The following CTIF variants were observed in gnomAD, a reference collection of about 807,000 sequenced individuals.
CTIF encodes the protein cap binding complex dependent translation initiation factor.
A neutral mutation model predicts 66.0 loss-of-function variants in CTIF; 21 were observed. The observed-to-expected ratio is 0.32, with a 90% CI of 0.23 to 0.46. The LOEUF (loss-of-function observed/expected upper bound fraction) is 0.46. Ranked by LOEUF, CTIF falls within the 20% of genes least tolerant of loss-of-function variation. The pLI is 1.00. For missense variants in CTIF, 739 were observed against 812.7 expected, an observed-to-expected ratio of 0.91 and a Z score of 1.10; for synonymous variants, 345 against 326.4, an observed-to-expected ratio of 1.06 and a Z score of -0.62.
At chr18:48,579,050 T>G (rs2089595923) in intron 1 of CTIF, among the ~76,000 whole-genome samples, 1 of 151,432 alleles carries the variant, frequency 6.6e-6, no homozygotes, top group Non-Finnish European at 1.5e-5. Flanking sequence ...TCAGCTTCAT[T>G]GTTTTGTTTC....
Position 48,602,384 on chromosome 18 carries a change from A to G in CTIF, c.-28-17154A>G, listed in dbSNP as rs138977164. The stretch of plus-strand genomic sequence containing the variant: ...AGGTGGAAGAAATTGCCAGAAGTTG[A>G]CTCAGAAGAGATGAAACAGTCTCAG... On this transcript the variant is annotated intron_variant, in intron 1 of 11. Coordinates refer to ENST00000256413, the MANE Select transcript of CTIF (RefSeq NM_014772.3). Among the ~76,000 whole-genome samples, 18 of 152,338 alleles carry G rather than the reference A, an allele frequency of 1.2e-4. No homozygotes were observed. In the East Asian group the frequency reaches 3.5e-3, roughly 29 times the overall value.
intron 9 of CTIF, among the ~76,000 whole-genome samples, chr18:48,791,310 C>T (rs1341811247): frequency 1.3e-5 from 2 of 152,254 alleles, no homozygotes; most frequent in African/African-American, 2.4e-5. Context: ...ACCTAAGGCT[C>T]CCAAGCCCTG....
At chr18:48,618,621 C>T (rs1251782182) in intron 1 of CTIF, among the ~76,000 whole-genome samples, 2 of 152,196 alleles carry the variant, frequency 1.3e-5, no homozygotes, top group Admixed American at 6.5e-5. Flanking sequence ...GTGGGAGCTT[C>T]GGGGGATAAG....
At chr18:48,787,270 A>T (rs1911793890) in intron 9 of CTIF, among the ~76,000 whole-genome samples, 1 of 152,116 alleles carries the variant, frequency 6.6e-6, no homozygotes, top group Non-Finnish European at 1.5e-5. Flanking sequence ...CATGTTAAGT[A>T]TGAAAGGAAA....
At chr18:48,738,361 A>G (rs553495875) in intron 7 of CTIF, among the ~76,000 whole-genome samples, 5 of 152,012 alleles carry the variant, frequency 3.3e-5, no homozygotes, top group Non-Finnish European at 7.4e-5. Context: ...GTGGTTCCCA[A>G]TTTCATCCAG....
chr18:48,677,787 C>A (rs2091657428), intron 6 of CTIF, among the ~76,000 whole-genome samples: 1 of 152,138 alleles, frequency 6.6e-6, no homozygotes, highest in Admixed American at 6.5e-5. Flanking sequence ...TCTAGGGGCT[C>A]ATTAAATATG....
chr18:48,722,864 A>C (rs1179332202), intron 7 of CTIF, among the ~76,000 whole-genome samples: 3 of 152,216 alleles, frequency 2.0e-5, no homozygotes, highest in Non-Finnish European at 4.4e-5. Context: ...CAGGCTGTGC[A>C]TCCCACTGGT....
chr18:48,543,381 A>G (rs2088670739), intron 1 of CTIF, among the ~76,000 whole-genome samples: 1 of 151,978 alleles, frequency 6.6e-6, no homozygotes, highest in Admixed American at 6.6e-5. Context: ...GGGGGCGTCT[A>G]CCTCTGGGCC....
chr18:48,652,868 C>A (rs1005495918), intron 3 of CTIF, among the ~76,000 whole-genome samples: 1 of 152,014 alleles, frequency 6.6e-6, no homozygotes, highest in Non-Finnish European at 1.5e-5. Context: ...ACAAAACCAA[C>A]GACAAAAACC....
intron 10 of CTIF, among the ~76,000 whole-genome samples, chr18:48,841,415 GC>G (rs944712798): frequency 6.6e-6 from 1 of 152,156 alleles, no homozygotes; most frequent in African/African-American, 2.4e-5. Context: ...CGCCCTCGTG[GC>G]CCCGGCTCAG....
intron 9 of CTIF, among the ~76,000 whole-genome samples, chr18:48,772,856 T>C (rs923194737): frequency 2.0e-5 from 3 of 152,168 alleles, no homozygotes; most frequent in Non-Finnish European, 2.9e-5. Flanking sequence ...TACCTAGAAG[T>C]GGAATTGCTG....
intron 2 of CTIF, among the ~76,000 whole-genome samples, chr18:48,631,959 C>T (rs2090726255): frequency 6.6e-6 from 1 of 152,172 alleles, no homozygotes; most frequent in Admixed American, 6.5e-5. Flanking sequence ...CTTGACTCAT[C>T]TCCTATAGAT....
At chr18:48,602,529 C>G (rs1598723057) in intron 1 of CTIF, among the ~76,000 whole-genome samples, 1 of 152,200 alleles carries the variant, frequency 6.6e-6, no homozygotes, top group Admixed American at 6.5e-5. Context: ...GTGAGCCTTA[C>G]AGTTGATGAC....
chr18:48,854,481 C>G (rs2069280388), intron 10 of CTIF, among the ~76,000 whole-genome samples: 1 of 152,178 alleles, frequency 6.6e-6, no homozygotes, highest in South Asian at 2.1e-4. Context: ...CTCACCTTCC[C>G]CATCCACTCT....
chr18:48,742,828 A>G (rs1300055061), intron 7 of CTIF, among the ~76,000 whole-genome samples: 1 of 151,988 alleles, frequency 6.6e-6, no homozygotes, highest in East Asian at 1.9e-4. Flanking sequence ...GTGTTTTTTC[A>G]TCTTTAAACA....
At chr18:48,563,464 T>TTTTTG (rs36232068) in intron 1 of CTIF, among the ~76,000 whole-genome samples, 30 of 152,270 alleles carry the variant, frequency 2.0e-4, no homozygotes, top group South Asian at 8.3e-4. Context: ...TCTAAGGTTT[T>TTTTTG]TTTTGTTTTG....
At chr18:48,670,269 G>A (rs1415743983) in intron 5 of CTIF, among the ~76,000 whole-genome samples, 2 of 152,146 alleles carry the variant, frequency 1.3e-5, no homozygotes, top group Non-Finnish European at 2.9e-5. Context: ...AAGCCCTATT[G>A]GGTTTTCTGC....
chr18:48,559,360 C>A (rs768821392), intron 1 of CTIF, among the ~76,000 whole-genome samples: 1 of 152,068 alleles, frequency 6.6e-6, no homozygotes, highest in Non-Finnish European at 1.5e-5. Flanking sequence ...CCTACCACCC[C>A]CCCCAATCCT....
chr18:48,717,511 A>G (rs1316027610), intron 7 of CTIF, among the ~76,000 whole-genome samples: 1 of 152,054 alleles, frequency 6.6e-6, no homozygotes, highest in Non-Finnish European at 1.5e-5. Flanking sequence ...AGTGTCAGTC[A>G]TCAGATTGGA....
Sources: allele counts gnomAD v4.1 joint callset (sites outside exome capture counted in the v4.1 genomes callset), GRCh38; gene constraint gnomAD v4.1.1; transcripts MANE v1.5; gene names NCBI Gene and HGNC (gene_info 2026-07-23, HGNC 2026-07-21).